The following TCTN2 variants were observed in gnomAD, a reference collection of about 807,000 sequenced individuals.
TCTN2 encodes the protein tectonic-2.
A neutral mutation model predicts 83.4 loss-of-function variants in TCTN2; 66 were observed. The observed-to-expected ratio is 0.79, with a 90% CI of 0.65 to 0.97. TCTN2 has a LOEUF of 0.97. Ranked by LOEUF, TCTN2 falls within the 50% of genes least tolerant of loss-of-function variation. The pLI is 0.00. For synonymous variants in TCTN2, 301 were observed against 326.7 expected, an observed-to-expected ratio of 0.92 and a Z score of 0.85; for missense variants, 794 against 858.1, an observed-to-expected ratio of 0.93 and a Z score of 0.93.
chr12:123,693,992 A>AT (rs1449366244), intron 9 of TCTN2, among the ~76,000 whole-genome samples: 57 of 145,010 alleles, frequency 3.9e-4, no homozygotes, highest in African/African-American at 1.3e-3. Flanking sequence ...TAATTTTTGT[A>AT]TTTTTTTGTA....
In TCTN2 at chr12:123,688,104, A is replaced by G; in HGVS notation, c.818A>G (p.Asp273Gly). 6.2e-7 allele frequency: 1 copy of G among 1,614,132 alleles called. No individual in the cohort carries two copies. ...FEVYVDTDAK[D>G]FADFGYKQGD... The stretch of plus-strand genomic sequence containing the variant: ...GTATATGTGGATACTGACGCAAAAG[A>G]CTTTGCAGACTTTGGTTACAAACAA... The change falls in exon 7 of 18, where the codon GAC (aspartate) becomes GGC (glycine). Residue 273 changes from aspartate to glycine, a missense_variant. Physicochemically the swap from Asp to Gly is moderately conservative, Grantham distance 94. Coordinates refer to ENST00000303372, the MANE Select transcript of TCTN2 (RefSeq NM_024809.5).
chr12:123,681,965 CTTTG>C, intron 5 of TCTN2, among the ~76,000 whole-genome samples: 1 of 152,216 alleles, frequency 6.6e-6, no homozygotes, highest in Non-Finnish European at 1.5e-5. Context: ...TGATTTCCTT[CTTTG>C]TTTTTTTCTT....
intron 6 of TCTN2, among the ~76,000 whole-genome samples, 158 bp from the exon 7 acceptor site, chr12:123,687,893 G>A (rs1384725256): frequency 6.6e-6 from 1 of 151,434 alleles, no homozygotes; most frequent in Admixed American, 6.6e-5. Flanking sequence ...GAACCTGGGA[G>A]GCGGAGGTAG....
At chr12:123,696,267 C>G (rs1482550356) in intron 11 of TCTN2, 148 bp from the exon 12 acceptor site, 2 of 688,272 alleles carry the variant, frequency 2.9e-6, no homozygotes, top group Admixed American at 4.6e-5. Flanking sequence ...TTTTGAGACC[C>G]GAAGTTGCCA....
intron 9 of TCTN2, 35 bp from the exon 10 acceptor site, chr12:123,694,807 G>A: frequency 1.2e-6 from 2 of 1,603,442 alleles, no homozygotes; most frequent in Admixed American, 3.4e-5. Context: ...CTCAAAGAGG[G>A]TCTTTAATTT....
At chr12:123,685,379 C>T (rs1455398834) in intron 5 of TCTN2, among the ~76,000 whole-genome samples, 3 of 152,198 alleles carry the variant, frequency 2.0e-5, no homozygotes, top group Admixed American at 6.5e-5. Context: ...CTCTCTGGAT[C>T]CTTCGTGAAA....
chr12:123,692,770 T>C, intron 9 of TCTN2, 47 bp downstream of exon 9: 1 of 1,444,592 alleles, frequency 6.9e-7, no homozygotes, highest in South Asian at 1.1e-5. Flanking sequence ...AACAGATATG[T>C]CATTTCTTAC....
At position 123,708,275 on chromosome 12, in the gene TCTN2, G is replaced by C. The variant is rs772401980; in HGVS notation, c.*562G>C. On this transcript the variant is annotated 3_prime_UTR_variant, in exon 18 of 18. Transcript: ENST00000303372. ...CCCAAAGTGCTGGGATCACAGACGTGAGCCACTGCGTCCGGTCCATCTGAC... is the reference window on the plus strand; with the variant it reads ...CCCAAAGTGCTGGGATCACAGACGTCAGCCACTGCGTCCGGTCCATCTGAC... 8.0e-5 allele frequency: 13 copies of C among 161,876 alleles called. No individual in the cohort carries two copies. The highest frequency in any genetic ancestry group is 1.6e-4 in the Non-Finnish European group (12 of 73,352). The allele number at this position is 161,876 out of a possible 1,614,324, so 10.0% of individuals were successfully genotyped here.
chr12:123,701,387 G>A (rs895073414), intron 14 of TCTN2, among the ~76,000 whole-genome samples: 19 of 152,278 alleles, frequency 1.2e-4, no homozygotes, highest in African/African-American at 4.3e-4. Flanking sequence ...TAAGTAGGTG[G>A]ATTGTATAGT....
At chr12:123,692,481 A>G (rs1056513154) in intron 8 of TCTN2, among the ~76,000 whole-genome samples, 177 bp from the exon 9 acceptor site, 2 of 152,132 alleles carry the variant, frequency 1.3e-5, no homozygotes, top group African/African-American at 4.8e-5. Flanking sequence ...TTATAATTAG[A>G]TGCTAAGAGG....
Position 123,707,486 on chromosome 12 carries a change from C to T in TCTN2, c.1985-118C>T. On this transcript the variant is annotated intron_variant, in intron 17 of 17. Transcript: ENST00000303372. ...GAACTGGCCTCAAGTGATCCGCCCTCCTTGGCCTCCCAAAGTGTTAGGATT... is the reference window on the plus strand; with the variant it reads ...GAACTGGCCTCAAGTGATCCGCCCTTCTTGGCCTCCCAAAGTGTTAGGATT... 4.1e-6 allele frequency: 4 copies of T among 967,394 alleles called. No individual in the cohort carries two copies. The Middle Eastern group carries it at 6.3e-4, about 153-fold the overall frequency. 59.9% of individuals were successfully genotyped at this position (967,394 alleles called of 1,614,324 possible).
At position 123,671,245 on chromosome 12, in the gene TCTN2, G is replaced by C; in HGVS notation, c.5G>C (p.Gly2Ala). The C allele has an allele frequency of 1.2e-6, 2 of 1,612,866 alleles. No individual in the cohort carries two copies. Among genetic ancestry groups the C allele is most frequent in the South Asian group, 1.1e-5 (1 of 90,938 alleles). The stretch of plus-strand genomic sequence containing the variant: ...CCGGCCCGCGAGGTCTAAGGCATGG[G>C]CTTCCAGCCTCCGGCCGCTCTTCTT... M[G>A]FQPPAALLLR... Residue 2 changes from glycine (G) to alanine (A), a missense_variant, in exon 1 of 18, where the codon GGC becomes GCC. By Grantham distance (60) the Gly-to-Ala change is moderately conservative (BLOSUM62 0). Coordinates refer to ENST00000303372, the MANE Select transcript of TCTN2 (RefSeq NM_024809.5).
rs776834352 is a variant in TCTN2 at position 123,679,215 on chromosome 12, G to A, written c.490G>A (p.Val164Met). The A allele has an allele frequency of 3.7e-6, 6 of 1,613,946 alleles. No individual in the cohort carries two copies. The highest frequency in any genetic ancestry group is 2.2e-5 in the East Asian group (1 of 44,894). Residue 164 changes from valine (V) to methionine (M), a missense_variant, in exon 5 of 18, where the codon GTG (valine) becomes ATG (methionine). Val to Met is a conservative substitution (Grantham distance 21, BLOSUM62 1). Coordinates refer to ENST00000303372, the MANE Select transcript of TCTN2 (RefSeq NM_024809.5). Reference sequence around the variant, plus strand: ...GAACGTGACTGTCATTCCTAACCAGGTGTATCAGCCCCTTGGCCCTTGTCC... The same window carrying A: ...GAACGTGACTGTCATTCCTAACCAGATGTATCAGCCCCTTGGCCCTTGTCC... ...SENVTVIPNQ[V>M]YQPLGPCPCN...
chr12:123,693,643 G>A (rs1352824548), intron 9 of TCTN2, among the ~76,000 whole-genome samples: 1 of 150,014 alleles, frequency 6.7e-6, no homozygotes. Flanking sequence ...TAGTAGAGAC[G>A]GGGTTTCACC....
At position 123,686,942 on chromosome 12, in the gene TCTN2, C is replaced by A. The variant is rs376996387; in HGVS notation, c.671C>A (p.Thr224Lys). 18 of 1,614,072 alleles carry A rather than the reference C, an allele frequency of 1.1e-5. No homozygotes were observed. Among genetic ancestry groups the A allele is most frequent in the Admixed American group, 1.7e-5 (1 of 59,986 alleles). Reference protein sequence around the residue: ...PFDQLCSAGTTTRGVPDWFPF... With the variant: ...PFDQLCSAGTKTRGVPDWFPF... ...GATCAGCTCTGCTCTGCTGGGACGACGACACGTGGTGTCCCCGATTGGTTT... is the reference window on the plus strand; with the variant it reads ...GATCAGCTCTGCTCTGCTGGGACGAAGACACGTGGTGTCCCCGATTGGTTT... Residue 224 changes from threonine (T) to lysine (K), a missense_variant, in exon 6 of 18, where the codon ACG becomes AAG. Coordinates refer to ENST00000303372, the MANE Select transcript of TCTN2 (RefSeq NM_024809.5).
At position 123,686,882 on chromosome 12, in the gene TCTN2, C is replaced by G; in HGVS notation, c.611C>G (p.Thr204Ser). 2 of 1,614,232 alleles carry G rather than the reference C, an allele frequency of 1.2e-6. No individual in the cohort carries two copies. The highest frequency in any genetic ancestry group is 1.7e-6 in the Non-Finnish European group (2 of 1,180,048). Residue 204 changes from threonine to serine, a missense_variant, in exon 6 of 18, where the codon ACC (threonine) becomes AGC (serine). Coordinates refer to ENST00000303372, the MANE Select transcript of TCTN2 (RefSeq NM_024809.5). ...LTTLFRRSCF[T>S]GVFGGDVNPP... The stretch of plus-strand genomic sequence containing the variant: ...ACGCTGTTCAGACGGTCCTGCTTCA[C>G]CGGCGTGTTTGGAGGAGACGTCAAT...
chr12:123,692,852 T>G, intron 9 of TCTN2, 129 bp downstream of exon 9: 1 of 777,310 alleles, frequency 1.3e-6, no homozygotes, highest in Non-Finnish European at 2.2e-6. Context: ...TAGAAAGATC[T>G]GCCAGGAACA....
At chr12:123,679,096 C>T (rs554443061) in intron 4 of TCTN2, 93 bp from the exon 5 acceptor site, 20 of 1,222,884 alleles carry the variant, frequency 1.6e-5, no homozygotes, top group South Asian at 3.6e-5. Context: ...CGCGCCTGGC[C>T]GATAATTCAG....
chr12:123,685,707 C>G lies in TCTN2; in HGVS notation c.565-1129C>G, dbSNP rs1488933931. On this transcript the variant is annotated intron_variant, in intron 5 of 17. Transcript: ENST00000303372. The stretch of plus-strand genomic sequence containing the variant: ...GTGCTGGGATTACAGGTGTGAGCCA[C>G]TGCGCCCGGTCTTTTTTTTTTTTTT... Among the ~76,000 whole-genome samples the G allele has an allele frequency of 2.0e-5, 3 of 149,120 alleles. No homozygotes were observed. The Admixed American group carries it at 2.0e-4, about 10-fold the overall frequency.
Sources: allele counts gnomAD v4.1 joint callset (sites outside exome capture counted in the v4.1 genomes callset), GRCh38; gene constraint gnomAD v4.1.1; transcripts MANE v1.5; gene names NCBI Gene and HGNC (gene_info 2026-07-23, HGNC 2026-07-21).